CCNT1: variants seen among roughly 807,000 people sequenced by gnomAD.
CCNT1 encodes the protein cyclin-T1.
In CCNT1, 18 loss-of-function variants were observed where a neutral mutation model predicts 67.3. That is an observed-to-expected ratio of 0.27 (90% confidence interval 0.18 to 0.40). The LOEUF (loss-of-function observed/expected upper bound fraction) is 0.40, where lower values mean the gene tolerates loss of function less well. CCNT1 is among the 10% of genes least tolerant of loss of function. CCNT1 has a pLI of 1.00. For synonymous variants in CCNT1, 333 were observed against 310.3 expected (o/e 1.07, Z -0.77); for missense variants, 744 against 884.9 (o/e 0.84, Z 2.02).
rs1158148052 is a variant in CCNT1 at position 48,691,340 on chromosome 12, A to G, written c.*1693T>C. The G allele has an allele frequency of 1.3e-5, 2 of 152,226 alleles. No homozygotes were observed. The highest frequency in any genetic ancestry group is 6.5e-5 in the Admixed American group (1 of 15,278). The allele number at this position is 152,226 out of a possible 1,614,324, so 9.4% of individuals were successfully genotyped here. ...CTGTCTCCCTATGACTTCCAAATGA[A>G]AAATAATTCGACCTCTCCCTAAAAA... On this transcript the variant is annotated 3_prime_UTR_variant, in exon 9 of 9. Transcript: ENST00000261900.
In CCNT1 at chr12:48,696,022, G is replaced by T; in HGVS notation, c.683C>A (p.Thr228Asn). The change falls in exon 7 of 9, where the codon ACT becomes AAT. Residue 228 changes from threonine to asparagine, a missense_variant. Transcript: ENST00000261900. ...GKHWWEYVDA[T>N]VTLELLDELT... Reference sequence around the variant, plus strand: ...ACCATCTAAAAGTTCCAAGGTCACAGTGGCGTCAACATACTCCCACCAGTG... The same window carrying T: ...ACCATCTAAAAGTTCCAAGGTCACATTGGCGTCAACATACTCCCACCAGTG... The T allele has an allele frequency of 6.2e-7, 1 of 1,614,116 alleles. No individual in the cohort carries two copies.
chr12:48,697,836 AT>A (rs1209845716), intron 6 of CCNT1: 146 of 100,906 alleles, frequency 1.4e-3, no homozygotes, highest in East Asian at 4.4e-3. Flanking sequence ...AATAATAATA[AT>A]TTAAAAAAAA....
At chr12:48,696,961 T>C (rs555736770) in intron 6 of CCNT1, among the ~76,000 whole-genome samples, 2 of 152,136 alleles carry the variant, frequency 1.3e-5, no homozygotes, top group South Asian at 2.1e-4. Context: ...GCCTCCCGAG[T>C]AGCTGGTACT....
chr12:48,701,371 G>A lies in CCNT1; in HGVS notation c.373-298C>T, dbSNP rs751945656. ...CTCCCAAGTAGCTAAGATTCCAGGC[G>A]CGCAACACCACGCCCGGCTAATTTT... On this transcript the variant is annotated intron_variant, in intron 3 of 8. Transcript: ENST00000261900. 3.1e-4 allele frequency among the ~76,000 whole-genome samples: 47 copies of A among 150,738 alleles called. 1 individual carries two copies. Among genetic ancestry groups the A allele is most frequent in the South Asian group, 4.2e-4 (2 of 4,764 alleles).
rs1940256785 is a variant in CCNT1, at chr12:48,701,018, G to A, written c.428C>T (p.Thr143Ile). ...TCAAAGGAAAATAAACTTACCTAAAGTCTGCAAAATTATGCTTTCTAAAAT... is the reference window on the plus strand; with the variant it reads ...TCAAAGGAAAATAAACTTACCTAAAATCTGCAAAATTATGCTTTCTAAAAT... ...LVILESIILQ[T>I]LGFELTIDHP... The change falls in exon 4 of 9, where the codon ACT (threonine) becomes ATT (isoleucine). Residue 143 changes from threonine to isoleucine, a missense_variant. Thr to Ile is a moderately conservative substitution (Grantham distance 89). This residue lies in a region of CCNT1 where 142 missense variants were observed against 277.0 expected (regional missense o/e 0.51). Transcript: ENST00000261900. 1.3e-6 allele frequency: 2 copies of A among 1,556,678 alleles called. No homozygotes were observed. Among genetic ancestry groups the A allele is most frequent in the Non-Finnish European group, 1.8e-6 (2 of 1,141,364 alleles).
intron 4 of CCNT1, 105 bp downstream of exon 4, chr12:48,700,908 T>C: frequency 1.5e-6 from 1 of 660,990 alleles, no homozygotes; most frequent in Non-Finnish European, 2.6e-6. Flanking sequence ...AGAGGGACAC[T>C]ACAAAAACTT....
Position 48,716,697 on chromosome 12 carries a change from C to T in CCNT1, c.-22G>A. 1 of 1,606,746 alleles carries T rather than the reference C, an allele frequency of 6.2e-7. No homozygotes were observed. Among genetic ancestry groups the T allele is most frequent in the Non-Finnish European group, 8.5e-7 (1 of 1,175,132 alleles). ...CCATAGTGCTTCAACCAGAAGGCAG[C>T]GGCGAAGGCTGCAGGCACTTCCCAG... On this transcript the variant is annotated 5_prime_UTR_variant, in exon 1 of 9. Coordinates refer to ENST00000261900, the MANE Select transcript of CCNT1 (RefSeq NM_001240.4).
At chr12:48,713,600 A>G (rs1940489577) in intron 2 of CCNT1, among the ~76,000 whole-genome samples, 1 of 152,200 alleles carries the variant, frequency 6.6e-6, no homozygotes, top group Non-Finnish European at 1.5e-5. Flanking sequence ...GCTGGACAAC[A>G]CAGGGAGACC....
At chr12:48,702,206 A>G (rs983153229) in intron 3 of CCNT1, among the ~76,000 whole-genome samples, 6 of 152,228 alleles carry the variant, frequency 3.9e-5, no homozygotes, top group African/African-American at 1.4e-4. Flanking sequence ...CATAAAGTAT[A>G]TATTTTTCAA....
intron 1 of CCNT1, 36 bp from the exon 2 acceptor site, chr12:48,714,560 G>A (rs753449986): frequency 7.3e-7 from 1 of 1,362,852 alleles, no homozygotes; most frequent in Non-Finnish European, 1.0e-6. Flanking sequence ...AAACAGGCAG[G>A]TATAATTCTG....
intron 2 of CCNT1, among the ~76,000 whole-genome samples, chr12:48,713,276 C>T (rs1940484843): frequency 6.6e-6 from 1 of 150,716 alleles, no homozygotes; most frequent in South Asian, 2.1e-4. Context: ...CTCAATCAGT[C>T]CTCCCACCTG....
At chr12:48,706,416 T>C (rs180772282) in intron 2 of CCNT1, among the ~76,000 whole-genome samples, 54 of 152,356 alleles carry the variant, frequency 3.5e-4, no homozygotes, top group Non-Finnish European at 6.8e-4. Flanking sequence ...GTGAACTATA[T>C]AATTTAAACA....
intron 6 of CCNT1, 41 bp from the exon 7 acceptor site, chr12:48,696,203 T>G: frequency 1.1e-6 from 1 of 882,332 alleles, no homozygotes; most frequent in Non-Finnish European, 1.5e-6. Flanking sequence ...TCATGAGCTC[T>G]CAATTCTCAG....
chr12:48,709,658 T>G (rs1185100257), intron 2 of CCNT1, among the ~76,000 whole-genome samples: 1 of 152,108 alleles, frequency 6.6e-6, no homozygotes, highest in Non-Finnish European at 1.5e-5. Flanking sequence ...CAATACATAC[T>G]GTTACATGAT....
At chr12:48,701,217 CTTTT>C (rs539754445) in intron 3 of CCNT1, 144 bp from the exon 4 acceptor site, 1,881 of 92,884 alleles carry the variant, frequency 0.02, 4 homozygotes, top group South Asian at 0.11. Context: ...GAAATACAAT[CTTTT>C]TTTTTTTTTT....
intron 4 of CCNT1, 152 bp downstream of exon 4, chr12:48,700,861 G>T: frequency 1.9e-6 from 1 of 514,620 alleles, no homozygotes; most frequent in Non-Finnish European, 3.5e-6. Context: ...ACAGGTCAAA[G>T]CTAAACTCAG....
intron 1 of CCNT1, 54 bp from the exon 2 acceptor site, chr12:48,714,578 T>C (rs372002631): frequency 1.1e-5 from 12 of 1,112,222 alleles, no homozygotes; most frequent in Non-Finnish European, 1.5e-5. Flanking sequence ...CTGGAAAAGA[T>C]AACCTCTATC....
intron 2 of CCNT1, among the ~76,000 whole-genome samples, chr12:48,707,517 A>C (rs1309344314): frequency 1.3e-5 from 2 of 152,124 alleles, no homozygotes; most frequent in Non-Finnish European, 2.9e-5. Flanking sequence ...TCCTGGGCTC[A>C]AGTAATTCTG....
At chr12:48,701,292 C>G (rs181671979) in intron 3 of CCNT1, among the ~76,000 whole-genome samples, 2 of 131,916 alleles carry the variant, frequency 1.5e-5, no homozygotes, top group Admixed American at 1.8e-4. Context: ...GTGGTGTGAT[C>G]TCGACTCACT....
Sources: gnomAD v4.1 joint callset for allele counts (sites outside exome capture counted in the v4.1 genomes callset) on GRCh38, gnomAD v4.1.1 for gene constraint, gnomAD v4.1.1 regional missense constraint, MANE v1.5 for transcripts, NCBI Gene and HGNC (gene_info 2026-07-23, HGNC 2026-07-21) for gene names.